The following CYB5R4 variants were observed in gnomAD, a reference collection of about 807,000 sequenced individuals.
CYB5R4 encodes the protein cytochrome b5 reductase 4.
CYB5R4 carries 55 observed loss-of-function variants against 70.2 expected under a neutral mutation model. That is an observed-to-expected ratio of 0.78 (90% CI 0.63 to 0.98). CYB5R4 has a LOEUF of 0.98. Among genes scored for constraint, CYB5R4 ranks in the 50% least tolerant of loss-of-function variants. The pLI, the probability that CYB5R4 is intolerant of heterozygous loss-of-function variation, is 0.00. For synonymous variants in CYB5R4, 197 were observed against 199.5 expected, an observed-to-expected ratio of 0.99 and a Z score of 0.11; for missense variants, 562 against 612.6, an observed-to-expected ratio of 0.92 and a Z score of 0.87.
intron 3 of CYB5R4, among the ~76,000 whole-genome samples, chr6:83,899,670 AACTTCTTCCTGGTTT>A (rs2099462539): frequency 6.6e-6 from 1 of 152,126 alleles, no homozygotes; most frequent in South Asian, 2.1e-4. Flanking sequence ...TCAGGGATTC[AACTTCTTCCTGGTTT>A]AGTCTTGGGA....
intron 2 of CYB5R4, among the ~76,000 whole-genome samples, chr6:83,873,561 G>A (rs2099458001): frequency 6.6e-6 from 1 of 152,098 alleles, no homozygotes; most frequent in African/African-American, 2.4e-5. Context: ...TTAGTAATTT[G>A]ATGAAACATA....
In CYB5R4 at chr6:83,962,968, C is replaced by T. The variant is rs966022623; in HGVS notation, c.*3090C>T. On this transcript the variant is annotated 3_prime_UTR_variant, in exon 16 of 16. Coordinates refer to ENST00000369681, the MANE Select transcript of CYB5R4 (RefSeq NM_016230.4). ...TATGCTTTCAATCTCTCTGAATTCC[C>T]TTTCTGCCATATCTTTCTTGCCCTA... The T allele has an allele frequency of 1.3e-5, 2 of 152,226 alleles. No individual in the cohort carries two copies. The highest frequency in any genetic ancestry group is 4.8e-5 in the African/African-American group (2 of 41,448). The allele number at this position is 152,226 out of a possible 1,614,324, so 9.4% of individuals were successfully genotyped here.
chr6:83,905,551 G>C (rs900523165), intron 3 of CYB5R4, among the ~76,000 whole-genome samples: 1 of 152,026 alleles, frequency 6.6e-6, no homozygotes, highest in Non-Finnish European at 1.5e-5. Context: ...TGGAGGCTGC[G>C]ATGAAGTTTT....
chr6:83,940,644 G>C, intron 14 of CYB5R4, 43 bp downstream of exon 14: 5 of 1,569,744 alleles, frequency 3.2e-6, no homozygotes, highest in Non-Finnish European at 3.4e-6. Flanking sequence ...ATTTATACCT[G>C]GGTAGTAAGT....
chr6:83,959,493 C>T (rs1361612528), intron 15 of CYB5R4, among the ~76,000 whole-genome samples: 1 of 152,050 alleles, frequency 6.6e-6, no homozygotes, highest in Non-Finnish European at 1.5e-5. Flanking sequence ...GAGTGGGGGT[C>T]TGGGGGATCT....
intron 10 of CYB5R4, among the ~76,000 whole-genome samples, chr6:83,926,709 G>A (rs1221176601): frequency 6.6e-6 from 1 of 152,102 alleles, no homozygotes; most frequent in African/African-American, 2.4e-5. Context: ...CCAATCCAAA[G>A]ACCCCTTGTT....
chr6:83,877,341 A>G (rs536835500), intron 2 of CYB5R4, among the ~76,000 whole-genome samples: 2 of 151,906 alleles, frequency 1.3e-5, no homozygotes, highest in African/African-American at 2.4e-5. Flanking sequence ...TTTTTTTCCC[A>G]TAGTATGTGT....
intron 15 of CYB5R4, among the ~76,000 whole-genome samples, chr6:83,957,781 A>G (rs1205654546): frequency 6.6e-6 from 1 of 151,914 alleles, no homozygotes; most frequent in Non-Finnish European, 1.5e-5. Context: ...GCTATTACTC[A>G]CTCCTGAACA....
At chr6:83,874,414 C>A (rs558501946) in intron 2 of CYB5R4, among the ~76,000 whole-genome samples, 1 of 151,792 alleles carries the variant, frequency 6.6e-6, no homozygotes, top group South Asian at 2.1e-4. Flanking sequence ...GTGGCCCAGA[C>A]TGGTCTTGAA....
At chr6:83,894,191 A>T (rs2099461533) in intron 3 of CYB5R4, among the ~76,000 whole-genome samples, 2 of 152,188 alleles carry the variant, frequency 1.3e-5, no homozygotes, top group Admixed American at 6.5e-5. Flanking sequence ...TTTTCCCCTT[A>T]TATTTACTAA....
intron 3 of CYB5R4, among the ~76,000 whole-genome samples, chr6:83,896,409 C>T (rs2099461897): frequency 6.6e-6 from 1 of 152,114 alleles, no homozygotes; most frequent in Non-Finnish European, 1.5e-5. Flanking sequence ...GGTAAATATT[C>T]CCAACATGCA....
At chr6:83,952,033 C>T (rs1039578256) in intron 14 of CYB5R4, among the ~76,000 whole-genome samples, 1 of 152,088 alleles carries the variant, frequency 6.6e-6, no homozygotes, top group African/African-American at 2.4e-5. Flanking sequence ...ATGACATTAA[C>T]ACTGACAGTG....
chr6:83,958,821 A>C (rs2099472859), intron 15 of CYB5R4, among the ~76,000 whole-genome samples: 1 of 152,204 alleles, frequency 6.6e-6, no homozygotes. Context: ...GCTTTAGTGC[A>C]CTTATCTATA....
intron 2 of CYB5R4, among the ~76,000 whole-genome samples, chr6:83,867,409 G>T (rs2099456904): frequency 6.6e-6 from 1 of 152,214 alleles, no homozygotes; most frequent in African/African-American, 2.4e-5. Context: ...GCCAGACTGG[G>T]AAATGTGTTC....
At chr6:83,936,751 A>G (rs2099468977) in intron 12 of CYB5R4, among the ~76,000 whole-genome samples, 1 of 152,160 alleles carries the variant, frequency 6.6e-6, no homozygotes, top group African/African-American at 2.4e-5. Flanking sequence ...TTTCCTTACA[A>G]TTGACCCTAC....
At chr6:83,893,352 G>C (rs1035240038) in intron 2 of CYB5R4, among the ~76,000 whole-genome samples, 170 bp from the exon 3 acceptor site, 5 of 152,164 alleles carry the variant, frequency 3.3e-5, no homozygotes, top group African/African-American at 1.2e-4. Context: ...TTGTTTGCTT[G>C]CAAGTGTGAT....
intron 14 of CYB5R4, among the ~76,000 whole-genome samples, chr6:83,944,203 CA>C (rs2099470221): frequency 7.2e-6 from 1 of 138,794 alleles, no homozygotes; most frequent in Admixed American, 7.0e-5. Context: ...AGGTTACCCA[CA>C]AAGGGAAGCC....
At chr6:83,896,764 G>A (rs1334528697) in intron 3 of CYB5R4, among the ~76,000 whole-genome samples, 1 of 152,126 alleles carries the variant, frequency 6.6e-6, no homozygotes, top group Non-Finnish European at 1.5e-5. Flanking sequence ...TTGATGTAAT[G>A]ATTTATTTTA....
chr6:83,883,485 C>T (rs1012344618), intron 2 of CYB5R4, among the ~76,000 whole-genome samples: 1 of 152,078 alleles, frequency 6.6e-6, no homozygotes, highest in African/African-American at 2.4e-5. Context: ...AGAAAACACA[C>T]TAGGAAATAA....
Sources: gnomAD v4.1 joint callset for allele counts (sites outside exome capture counted in the v4.1 genomes callset) on GRCh38, gnomAD v4.1.1 for gene constraint, MANE v1.5 for transcripts, NCBI Gene and HGNC (gene_info 2026-07-23, HGNC 2026-07-21) for gene names.